TBCA: variants seen among roughly 807,000 people sequenced by gnomAD.
TBCA encodes tubulin-specific chaperone A.
In TBCA, 6 loss-of-function variants were observed where a neutral mutation model predicts 15.8. The observed-to-expected ratio is 0.38, with a 90% CI of 0.21 to 0.75. The LOEUF is 0.75. Ranked by LOEUF, TBCA falls within the 30% of genes least tolerant of loss-of-function variation. The probability of loss-of-function intolerance (pLI) is 0.46; values close to 1 mark genes in which losing one functional copy is unlikely to be tolerated. For synonymous variants in TBCA, 32 were observed against 42.3 expected, an observed-to-expected ratio of 0.76 and a Z score of 0.94; for missense variants, 90 against 131.2, an observed-to-expected ratio of 0.69 and a Z score of 1.53.
At chr5:77,732,964 A>G (rs148370139) in intron 1 of TBCA, among the ~76,000 whole-genome samples, 6 of 152,284 alleles carry the variant, frequency 3.9e-5, no homozygotes, top group African/African-American at 1.4e-4. Flanking sequence ...GAAGAATCAC[A>G]TGTCTCTAAC....
chr5:77,719,871 CTG>C (rs1746488928), intron 1 of TBCA, among the ~76,000 whole-genome samples: 1 of 152,112 alleles, frequency 6.6e-6, no homozygotes, highest in Non-Finnish European at 1.5e-5. Flanking sequence ...GCTAAAGACA[CTG>C]TGAATAGCTT....
intron 3 of TBCA, chr5:77,692,819 GT>G (rs1745785205): frequency 9.4e-6 from 10 of 1,063,478 alleles, no homozygotes; most frequent in Non-Finnish European, 1.1e-5. Context: ...AGATTACCAG[GT>G]TTTTTCCCCC....
chr5:77,749,767 A>T (rs562522873), intron 1 of TBCA, among the ~76,000 whole-genome samples: 1 of 152,368 alleles, frequency 6.6e-6, no homozygotes, highest in South Asian at 2.1e-4. Context: ...AAGGAAATTC[A>T]CAGTAGCATT....
intron 1 of TBCA, among the ~76,000 whole-genome samples, chr5:77,712,480 G>T (rs1165784126): frequency 1.3e-5 from 2 of 152,054 alleles, no homozygotes; most frequent in African/African-American, 4.8e-5. Context: ...GAAAGGCTAA[G>T]ATTTAATAAG....
chr5:77,738,449 A>G (rs1225148946), intron 1 of TBCA, among the ~76,000 whole-genome samples: 1 of 152,238 alleles, frequency 6.6e-6, no homozygotes, highest in Non-Finnish European at 1.5e-5. Context: ...GTTAATATAA[A>G]GTAAGTATAG....
At position 77,694,900 on chromosome 5, in the gene TBCA, T is replaced by G. The variant is rs1238419278; in HGVS notation, c.160-1548A>C. Reference sequence around the variant, plus strand: ...ACTAATAAGGCACAGGTTGAAAATTTCAAACATAACATCATTATTTTACTT... The same window carrying G: ...ACTAATAAGGCACAGGTTGAAAATTGCAAACATAACATCATTATTTTACTT... On this transcript the variant is annotated intron_variant, in intron 2 of 3. Transcript: ENST00000380377. 2.0e-5 allele frequency among the ~76,000 whole-genome samples: 3 copies of G among 152,222 alleles called. No individual in the cohort carries two copies. In the East Asian group the frequency reaches 5.8e-4, roughly 29 times the overall value.
intron 1 of TBCA, among the ~76,000 whole-genome samples, chr5:77,721,468 A>C (rs1746526404): frequency 6.6e-6 from 1 of 152,164 alleles, no homozygotes; most frequent in African/African-American, 2.4e-5. Flanking sequence ...ATGACAAAAT[A>C]ATCATTATTA....
chr5:77,715,262 C>T (rs770411484), intron 1 of TBCA: 17 of 702,138 alleles, frequency 2.4e-5, no homozygotes, highest in East Asian at 8.1e-5. Context: ...AAATTGAAGA[C>T]GAAAACCAAG....
Position 77,776,269 on chromosome 5 carries a change from C to T in TBCA, c.-12G>A. 1.3e-6 allele frequency: 2 copies of T among 1,575,630 alleles called. No homozygotes were observed. The highest frequency in any genetic ancestry group is 1.7e-6 in the Non-Finnish European group (2 of 1,161,668). ...CGAGGATCGGCCATGGTCCCTCGAG[C>T]GCCGCGAGAAGGAGGGGCGGAGAGC... is the stretch of plus-strand genomic sequence containing the variant. On this transcript the variant is annotated 5_prime_UTR_variant, in exon 1 of 4. Coordinates refer to ENST00000380377, the MANE Select transcript of TBCA (RefSeq NM_004607.3).
chr5:77,711,972 G>GAA (rs1209190062), intron 1 of TBCA, among the ~76,000 whole-genome samples: 21 of 135,090 alleles, frequency 1.6e-4, no homozygotes, highest in African/African-American at 5.4e-4. Flanking sequence ...CCCTGAAAAA[G>GAA]AAAAAAAAAA....
chr5:77,765,268 T>C (rs774561734), intron 1 of TBCA, among the ~76,000 whole-genome samples: 4 of 152,184 alleles, frequency 2.6e-5, no homozygotes, highest in African/African-American at 4.8e-5. Flanking sequence ...AAAAGGCAAA[T>C]GTCTTAGTTA....
intron 1 of TBCA, among the ~76,000 whole-genome samples, chr5:77,723,951 A>C (rs888756972): frequency 1.3e-5 from 2 of 152,058 alleles, no homozygotes; most frequent in Non-Finnish European, 1.5e-5. Context: ...TTTAAGCTGC[A>C]GTTCAAATTT....
intron 1 of TBCA, among the ~76,000 whole-genome samples, chr5:77,717,957 C>T (rs868650653): frequency 6.6e-6 from 1 of 151,380 alleles, no homozygotes; most frequent in African/African-American, 2.4e-5. Context: ...TGGAGAAACT[C>T]TGTCTCTACT....
chr5:77,717,199 G>T lies in TBCA; in HGVS notation c.54-8852C>A, dbSNP rs139711296. ...GCGTACTGCTTCTAGTTTTCTTATT[G>T]CAGGCGATAATAAATATCCTTATAG... On this transcript the variant is annotated intron_variant, in intron 1 of 3. Transcript: ENST00000380377. Among the ~76,000 whole-genome samples, 519 of 152,226 alleles carry T rather than the reference G, an allele frequency of 3.4e-3. 4 individuals carry two copies. The highest frequency in any genetic ancestry group is 0.012 in the African/African-American group (499 of 41,532).
intron 2 of TBCA, among the ~76,000 whole-genome samples, chr5:77,699,693 CA>C (rs1316345104): frequency 3.3e-5 from 5 of 152,012 alleles, no homozygotes; most frequent in African/African-American, 1.2e-4. Flanking sequence ...GCCCTGAAAC[CA>C]AAAGTATGAT....
intron 1 of TBCA, among the ~76,000 whole-genome samples, chr5:77,761,454 C>T (rs1418328136): frequency 6.6e-6 from 1 of 151,952 alleles, no homozygotes; most frequent in African/African-American, 2.4e-5. Flanking sequence ...CCTTAAGAGT[C>T]ATCACCACTC....
intron 1 of TBCA, among the ~76,000 whole-genome samples, chr5:77,745,361 A>G (rs1380866125): frequency 6.6e-6 from 1 of 152,218 alleles, no homozygotes; most frequent in Non-Finnish European, 1.5e-5. Context: ...TATTATTTGC[A>G]ATTCAAAGAA....
At position 77,756,023 on chromosome 5, in the gene TBCA, A is replaced by AC. The variant is rs199708097; in HGVS notation, c.53+20181_53+20182insG. Among the ~76,000 whole-genome samples the AC allele has an allele frequency of 1.5e-3, 233 of 151,686 alleles. 1 individual carries two copies. The highest frequency in any genetic ancestry group is 4.9e-3 in the Admixed American group (74 of 15,222). ...TTTATCTCAAAAAACAACAACAACA[A>AC]AAAAAAAAACACAAATGGGTTGCCC... On this transcript the variant is annotated intron_variant, in intron 1 of 3. Transcript: ENST00000380377.
chr5:77,747,994 A>G (rs953515536), intron 1 of TBCA, among the ~76,000 whole-genome samples: 2 of 152,204 alleles, frequency 1.3e-5, no homozygotes, highest in Non-Finnish European at 2.9e-5. Flanking sequence ...CAGAAACTAA[A>G]GCAATTCATA....
Sources: gnomAD v4.1 joint callset for allele counts (sites outside exome capture counted in the v4.1 genomes callset) on GRCh38, gnomAD v4.1.1 for gene constraint, MANE v1.5 for transcripts, NCBI Gene and HGNC (gene_info 2026-07-23, HGNC 2026-07-21) for gene names.